SDR42E2: variants seen among roughly 807,000 people sequenced by gnomAD.
SDR42E2 encodes short chain dehydrogenase/reductase family 42E, member 2.
SDR42E2 carries 20 observed loss-of-function variants against 10.5 expected under a neutral mutation model. The ratio of observed to expected loss-of-function variants is 1.90; its 90% CI spans 1.34 to 2.77. The LOEUF (loss-of-function observed/expected upper bound fraction) is 2.77, where lower values mean the gene tolerates loss of function less well. SDR42E2 is among the 30% of genes most tolerant of loss of function. The pLI is 0.00. For missense variants in SDR42E2, 162 were observed against 104.2 expected (o/e 1.55, Z -2.42); for synonymous variants, 72 against 39.2 (o/e 1.84, Z -3.12).
rs2046506637 is a variant in SDR42E2 at position 22,162,535 on chromosome 16, A to G, written c.-66A>G. On this transcript the variant is annotated 5_prime_UTR_variant, in exon 1 of 13. Transcript: ENST00000602312. ...GCGCGGAGACTGGCGCAGCGCGGGGAGCACGCAGCGCCGCGGGAGCCCGGG... is the reference window on the plus strand; with the variant it reads ...GCGCGGAGACTGGCGCAGCGCGGGGGGCACGCAGCGCCGCGGGAGCCCGGG... Among the ~76,000 whole-genome samples the G allele has an allele frequency of 6.6e-6, 1 of 150,504 alleles. No homozygotes were observed. The highest frequency in any genetic ancestry group is 2.4e-5 in the African/African-American group (1 of 41,094).
intron 1 of SDR42E2, among the ~76,000 whole-genome samples, chr16:22,165,003 C>T (rs774837664): frequency 2.6e-4 from 40 of 152,180 alleles, no homozygotes; most frequent in Non-Finnish European, 7.3e-5. Context: ...CCTCAATTTT[C>T]TTAGCTCTAA....
Position 22,174,259 on chromosome 16 carries a change from G to A in SDR42E2, c.589+1928G>A, listed in dbSNP as rs548413591. On this transcript the variant is annotated intron_variant, in intron 7 of 12. Coordinates refer to ENST00000602312, the MANE Select transcript of SDR42E2 (RefSeq NM_001394319.2). ...GAGGCAGGAGAATCCCTTGAACCCA[G>A]GGAGCAGAGGTTGCAGTGAGCCGAG... Among the ~76,000 whole-genome samples the A allele has an allele frequency of 2.0e-5, 3 of 152,116 alleles. No individual in the cohort carries two copies. The South Asian group carries it at 6.2e-4, about 32-fold the overall frequency.
rs563654760 is a variant in SDR42E2, at chr16:22,191,392, G to T, written c.*999G>T. ...CTTTCCAGCTCCGCCTCCCGGGTAG[G>T]TTCTCCCCGGAACCAGGCTGCCGCG... On this transcript the variant is annotated 3_prime_UTR_variant, in exon 13 of 13. Coordinates refer to ENST00000602312, the MANE Select transcript of SDR42E2 (RefSeq NM_001394319.2). The T allele has an allele frequency of 2.6e-3, 393 of 152,606 alleles. 1 individual carries two copies. Among genetic ancestry groups the T allele is most frequent in the Middle Eastern group, 6.7e-3 (2 of 298 alleles). 9.5% of individuals were successfully genotyped at this position (152,606 alleles called of 1,614,324 possible).
chr16:22,188,135 A>T (rs2046748224), intron 12 of SDR42E2, among the ~76,000 whole-genome samples: 1 of 151,624 alleles, frequency 6.6e-6, no homozygotes, highest in East Asian at 1.9e-4. Flanking sequence ...CTCTCGTTTT[A>T]TTGTCTCTGA....
At chr16:22,180,074 G>A (rs549893816) in intron 8 of SDR42E2, among the ~76,000 whole-genome samples, 2 of 152,232 alleles carry the variant, frequency 1.3e-5, no homozygotes, top group South Asian at 2.1e-4. Flanking sequence ...TGCAGCTGTG[G>A]TGGAGCGAGT....
At chr16:22,182,715 CTT>C (rs1342152776) in intron 10 of SDR42E2, among the ~76,000 whole-genome samples, 3 of 152,214 alleles carry the variant, frequency 2.0e-5, no homozygotes, top group Non-Finnish European at 2.9e-5. Context: ...AAAACCAACT[CTT>C]TGCCCAGTGA....
intron 10 of SDR42E2, 120 bp from the exon 11 acceptor site, chr16:22,184,061 G>A (rs1598144673): frequency 1.0e-5 from 4 of 396,304 alleles, no homozygotes; most frequent in Non-Finnish European, 1.8e-5. Flanking sequence ...TCTGCCCCCT[G>A]GGGTGGGTTG....
chr16:22,165,725 AG>A (rs2046529192), intron 2 of SDR42E2, 88 bp downstream of exon 2: 1 of 402,044 alleles, frequency 2.5e-6, no homozygotes, highest in Admixed American at 4.4e-5. Flanking sequence ...CCTGCACCAA[AG>A]CCTGGTGCCA....
intron 8 of SDR42E2, among the ~76,000 whole-genome samples, chr16:22,179,340 C>T (rs536972220): frequency 1.3e-5 from 2 of 152,094 alleles, no homozygotes; most frequent in African/African-American, 4.8e-5. Context: ...GTGGTCAACC[C>T]CAGTGACTCT....
At chr16:22,180,965 C>T (rs2046688003) in intron 8 of SDR42E2, among the ~76,000 whole-genome samples, 2 of 152,108 alleles carry the variant, frequency 1.3e-5, no homozygotes, top group Admixed American at 6.5e-5. Flanking sequence ...AAGATCTTGC[C>T]ACTGCACTCC....
chr16:22,163,930 T>C (rs978531614), intron 1 of SDR42E2, among the ~76,000 whole-genome samples: 2 of 152,134 alleles, frequency 1.3e-5, no homozygotes, highest in Admixed American at 6.6e-5. Flanking sequence ...GTATATGCCA[T>C]GCAGGGCAGA....
At chr16:22,165,791 G>A (rs999476202) in intron 2 of SDR42E2, among the ~76,000 whole-genome samples, 154 bp downstream of exon 2, 13 of 152,206 alleles carry the variant, frequency 8.5e-5, no homozygotes, top group African/African-American at 2.7e-4. Context: ...GCGGGTTCTG[G>A]TACTGTTCCG....
In SDR42E2 at chr16:22,164,333, A is replaced by T. The variant is rs547488164; in HGVS notation, c.-36-1214A>T. Among the ~76,000 whole-genome samples the T allele has an allele frequency of 5.3e-5, 8 of 152,148 alleles. No individual in the cohort carries two copies. In the South Asian group the frequency reaches 1.7e-3, roughly 32 times the overall value. On this transcript the variant is annotated intron_variant, in intron 1 of 12. Coordinates refer to ENST00000602312, the MANE Select transcript of SDR42E2 (RefSeq NM_001394319.2). ...CAGCACTTTGGGAGGCTGAGGTGGG[A>T]GGATCACTTGAGGTCAGGAGTTCAA...
At position 22,181,515 on chromosome 16, in the gene SDR42E2, C is replaced by G; in HGVS notation, c.673-4C>G. 1.4e-6 allele frequency: 1 copy of G among 703,080 alleles called. No individual in the cohort carries two copies. Among genetic ancestry groups the G allele is most frequent in the South Asian group, 1.5e-5 (1 of 67,604 alleles). 43.6% of individuals were successfully genotyped at this position (703,080 alleles called of 1,614,324 possible). A position where few individuals can be genotyped will look rare whatever the true frequency, so the allele number is the denominator to read the frequency against. Reference sequence around the variant, plus strand: ...CCTGTTTATCACCCACTCCTCTCCACCAGGGCCACATCAAGAAGAGGCTGT... The same window carrying G: ...CCTGTTTATCACCCACTCCTCTCCAGCAGGGCCACATCAAGAAGAGGCTGT... On this transcript the variant is annotated splice_region_variant and splice_polypyrimidine_tract_variant and intron_variant, in intron 8 of 12. Coordinates refer to ENST00000602312, the MANE Select transcript of SDR42E2 (RefSeq NM_001394319.2).
At chr16:22,168,046 T>G (rs2046559218) in intron 4 of SDR42E2, among the ~76,000 whole-genome samples, 1 of 152,036 alleles carries the variant, frequency 6.6e-6, no homozygotes. Context: ...TTTTACTGTT[T>G]GAATTCTTTT....
In SDR42E2 at chr16:22,166,388, G is replaced by A. The variant is rs534766027; in HGVS notation, c.194G>A (p.Arg65His). ...GGCACTTCCGTCATTCTGCTTGACC[G>A]CCGCAGACCCCAGTGGGAACTGTCC... ...KSGTSVILLD[R>H]RRPQWELSPE... Residue 65 changes from arginine to histidine, a missense_variant, in exon 3 of 13, where the codon CGC becomes CAC. Transcript: ENST00000602312. The A allele has an allele frequency of 2.7e-5, 11 of 402,708 alleles. No individual in the cohort carries two copies. Among genetic ancestry groups the A allele is most frequent in the East Asian group, 7.1e-5 (2 of 28,078 alleles). The allele number at this position is 402,708 out of a possible 1,614,324, so 24.9% of individuals were successfully genotyped here. A position where few individuals can be genotyped will look rare whatever the true frequency, so the allele number is the denominator to read the frequency against.
chr16:22,175,814 G>A (rs1046797471), intron 7 of SDR42E2, among the ~76,000 whole-genome samples: 4 of 151,764 alleles, frequency 2.6e-5, no homozygotes, highest in South Asian at 2.1e-4. Context: ...CCAACATAGC[G>A]AAGCCCCTCC....
chr16:22,172,106 C>A (rs566322277), intron 6 of SDR42E2, 150 bp from the exon 7 acceptor site: 1 of 631,602 alleles, frequency 1.6e-6, no homozygotes. Context: ...TGTTCTCCCA[C>A]CCAGGGGGAG....
At chr16:22,178,987 G>T (rs984918352) in intron 8 of SDR42E2, among the ~76,000 whole-genome samples, 1 of 151,962 alleles carries the variant, frequency 6.6e-6, no homozygotes, top group Non-Finnish European at 1.5e-5. Context: ...ACATTCCTCT[G>T]CTTGGCTATA....
Sources: gnomAD v4.1 joint callset for allele counts (sites outside exome capture counted in the v4.1 genomes callset) on GRCh38, gnomAD v4.1.1 for gene constraint, MANE v1.5 for transcripts, NCBI Gene and HGNC (gene_info 2026-07-23, HGNC 2026-07-21) for gene names.